CACNB4: variants seen among roughly 807,000 people sequenced by gnomAD.
CACNB4 encodes calcium voltage-gated channel auxiliary subunit beta 4, also known as voltage-dependent L-type calcium channel subunit beta-4.
CACNB4 carries 32 observed loss-of-function variants against 71.2 expected under a neutral mutation model. That is an observed-to-expected ratio of 0.45 (90% CI 0.34 to 0.60). The LOEUF is 0.60. Among genes scored for constraint, CACNB4 ranks in the 20% least tolerant of loss-of-function variants. The probability of loss-of-function intolerance (pLI) is 0.01; values close to 1 mark genes in which losing one functional copy is unlikely to be tolerated. For missense variants in CACNB4, 464 were observed against 647.9 expected (o/e 0.72, Z 3.08); for synonymous variants, 231 against 236.9 (o/e 0.97, Z 0.23).
At chr2:152,013,390 CAAG>C (rs1333020204) in intron 2 of CACNB4, among the ~76,000 whole-genome samples, 1 of 152,104 alleles carries the variant, frequency 6.6e-6, no homozygotes, top group Non-Finnish European at 1.5e-5. Flanking sequence ...GTCAGCACTT[CAAG>C]GATATCATTA....
chr2:151,903,897 G>T (rs2099854100), intron 2 of CACNB4, among the ~76,000 whole-genome samples: 1 of 152,274 alleles, frequency 6.6e-6, no homozygotes, highest in Admixed American at 6.5e-5. Context: ...AACTCCTCAA[G>T]GGCAGGTAGT....
At chr2:151,875,916 GCGGCCGGGCAGAGGCACCCC>G in intron 5 of CACNB4, among the ~76,000 whole-genome samples, 1 of 132,242 alleles carries the variant, frequency 7.6e-6, no homozygotes, top group Admixed American at 7.3e-5. Flanking sequence ...CCCAGTAGGG[GCGGCCGGGCAGAGGCACCCC>G]TCACCTCCCG....
chr2:151,942,512 C>A (rs980084097), intron 2 of CACNB4, among the ~76,000 whole-genome samples: 1 of 148,608 alleles, frequency 6.7e-6, no homozygotes, highest in Non-Finnish European at 1.5e-5. Flanking sequence ...AAAATAACAG[C>A]GATTTTTAGG....
chr2:152,015,282 G>C (rs531887452), intron 2 of CACNB4, among the ~76,000 whole-genome samples: 3 of 152,092 alleles, frequency 2.0e-5, no homozygotes, highest in Admixed American at 6.6e-5. Flanking sequence ...ACAGGCACCC[G>C]CCACCATGCC....
At chr2:151,860,628 T>A (rs892817632) in intron 10 of CACNB4, 83 bp downstream of exon 10, 2 of 938,922 alleles carry the variant, frequency 2.1e-6, no homozygotes, top group African/African-American at 3.2e-5. Flanking sequence ...GGGAACAAAT[T>A]GAAAAAGACA....
intron 2 of CACNB4, among the ~76,000 whole-genome samples, chr2:151,930,747 A>AT (rs2099861443): frequency 6.6e-6 from 1 of 152,116 alleles, no homozygotes. Flanking sequence ...ATACTCCTTT[A>AT]TTTTTTAAAC....
intron 9 of CACNB4, chr2:151,866,582 A>C (rs571484380): frequency 6.6e-6 from 1 of 152,390 alleles, no homozygotes; most frequent in Admixed American, 6.5e-5. Flanking sequence ...TTCCCCACGA[A>C]GAAGACATGT....
intron 2 of CACNB4, chr2:151,971,214 G>C: frequency 2.4e-6 from 1 of 421,158 alleles, no homozygotes; most frequent in East Asian, 4.4e-5. Flanking sequence ...GGTGCTAACA[G>C]TGTATAATAA....
At chr2:151,928,153 T>C (rs537680123) in intron 2 of CACNB4, among the ~76,000 whole-genome samples, 1 of 152,324 alleles carries the variant, frequency 6.6e-6, no homozygotes, top group South Asian at 2.1e-4. Flanking sequence ...GAACTCTAAG[T>C]ATGAACAGCT....
At chr2:151,925,489 C>A (rs895263821) in intron 2 of CACNB4, among the ~76,000 whole-genome samples, 3 of 152,162 alleles carry the variant, frequency 2.0e-5, no homozygotes, top group Admixed American at 2.0e-4. Context: ...AATGTTTTTG[C>A]TGCTGAATGA....
chr2:152,058,914 CCAGT>C (rs1437888429), intron 2 of CACNB4, among the ~76,000 whole-genome samples: 9 of 152,346 alleles, frequency 5.9e-5, no homozygotes, highest in African/African-American at 1.7e-4. Flanking sequence ...GCCTTTTGTC[CCAGT>C]CACTCTAGCT....
chr2:151,887,772 C>T (rs113766258), intron 2 of CACNB4, among the ~76,000 whole-genome samples: 1 of 152,078 alleles, frequency 6.6e-6, no homozygotes, highest in Non-Finnish European at 1.5e-5. Context: ...ATAATGTATA[C>T]CTTGTAGAGT....
intron 2 of CACNB4, among the ~76,000 whole-genome samples, chr2:151,941,539 C>A (rs570487965): frequency 6.6e-6 from 1 of 151,950 alleles, no homozygotes; most frequent in East Asian, 1.9e-4. Flanking sequence ...ACCTCAGCCT[C>A]CCAAAGTGCT....
At chr2:151,849,089 G>A (rs566322260) in intron 12 of CACNB4, among the ~76,000 whole-genome samples, 3 of 152,024 alleles carry the variant, frequency 2.0e-5, no homozygotes, top group Non-Finnish European at 2.9e-5. Context: ...TGTGAATTCC[G>A]AATGGGCAAC....
intron 2 of CACNB4, among the ~76,000 whole-genome samples, chr2:152,090,933 A>G (rs1371650330): frequency 6.6e-6 from 1 of 151,322 alleles, no homozygotes; most frequent in Admixed American, 6.6e-5. Context: ...TATCCCAGAT[A>G]CTCGGGAGGC....
chr2:152,008,615 T>C (rs188276152), intron 2 of CACNB4, among the ~76,000 whole-genome samples: 1 of 152,326 alleles, frequency 6.6e-6, no homozygotes, highest in Non-Finnish European at 1.5e-5. Context: ...TCTTTATTTT[T>C]CTGATAGAAC....
chr2:151,903,907 T>C (rs1578724405), intron 2 of CACNB4, among the ~76,000 whole-genome samples: 1 of 152,178 alleles, frequency 6.6e-6, no homozygotes, highest in Non-Finnish European at 1.5e-5. Context: ...GGGCAGGTAG[T>C]GTATCTTTTT....
intron 2 of CACNB4, chr2:151,969,875 A>G (rs1314082847): frequency 6.6e-6 from 1 of 152,220 alleles, no homozygotes; most frequent in East Asian, 1.9e-4. Flanking sequence ...AACAGTATTA[A>G]TCAATATATT....
At chr2:151,948,643 A>G (rs549699358) in intron 2 of CACNB4, among the ~76,000 whole-genome samples, 1 of 151,448 alleles carries the variant, frequency 6.6e-6, no homozygotes. Context: ...CCTGGGCAAC[A>G]GAGTGAGATC....
Sources: allele counts gnomAD v4.1 joint callset (sites outside exome capture counted in the v4.1 genomes callset), GRCh38; gene constraint gnomAD v4.1.1; transcripts MANE v1.5; gene names NCBI Gene and HGNC (gene_info 2026-07-23, HGNC 2026-07-21).